The following DCHS2 variants were observed in gnomAD, a reference collection of about 807,000 sequenced individuals.
DCHS2 encodes the protein dachsous cadherin-related 2.
A neutral mutation model predicts 182.4 loss-of-function variants in DCHS2; 142 were observed. The ratio of observed to expected loss-of-function variants is 0.78; its 90% CI spans 0.68 to 0.89. The LOEUF (loss-of-function observed/expected upper bound fraction) is 0.89, where lower values mean the gene tolerates loss of function less well. Ranked by LOEUF, DCHS2 falls within the 40% of genes least tolerant of loss-of-function variation. DCHS2 has a pLI of 0.00. For missense variants in DCHS2, 4,319 were observed against 4,198.6 expected (o/e 1.03, Z -0.79); for synonymous variants, 1,740 against 1,663.3 (o/e 1.05, Z -1.12).
At chr4:154,431,939 T>G (rs1579077008) in intron 1 of DCHS2, among the ~76,000 whole-genome samples, 1 of 152,242 alleles carries the variant, frequency 6.6e-6, no homozygotes, top group African/African-American at 2.4e-5. Context: ...GGTGTTCATT[T>G]GAAGCCTGGA....
intron 19 of DCHS2, among the ~76,000 whole-genome samples, chr4:154,237,966 T>C (rs1731614431): frequency 1.3e-5 from 2 of 152,202 alleles, no homozygotes; most frequent in Non-Finnish European, 2.9e-5. Context: ...GTTTTAAACA[T>C]TTAATGTTTT....
chr4:154,343,473 C>T (rs1729205936), intron 3 of DCHS2: 19 of 1,439,436 alleles, frequency 1.3e-5, no homozygotes, highest in Non-Finnish European at 1.7e-5. Context: ...ACCACCTTCA[C>T]CAAGAATCTT....
Position 154,341,075 on chromosome 4 carries a change from A to G in DCHS2, c.2477-5971T>C, listed in dbSNP as rs150719040. ...GGGAAGTGCCTTGTTAATAATTTGA[A>G]AAAACGTTTTCGCCCGGGCGCGGTG... On this transcript the variant is annotated intron_variant, in intron 3 of 19. Transcript: ENST00000357232. Among the ~76,000 whole-genome samples the G allele has an allele frequency of 1.6e-4, 25 of 152,254 alleles. No individual in the cohort carries two copies. The East Asian group carries it at 4.8e-3, about 29-fold the overall frequency.
intron 1 of DCHS2, among the ~76,000 whole-genome samples, chr4:154,442,785 A>G (rs1256891330): frequency 2.0e-5 from 3 of 151,778 alleles, no homozygotes; most frequent in Non-Finnish European, 2.9e-5. Flanking sequence ...AGGATTCCCC[A>G]CTTATTGTTA....
At chr4:154,300,127 A>G (rs1371237538) in intron 12 of DCHS2, among the ~76,000 whole-genome samples, 1 of 152,106 alleles carries the variant, frequency 6.6e-6, no homozygotes, top group Non-Finnish European at 1.5e-5. Flanking sequence ...ACAGGCTGCA[A>G]ATGTTTGGGT....
chr4:154,367,767 A>G (rs1730453128), intron 2 of DCHS2, among the ~76,000 whole-genome samples: 1 of 152,024 alleles, frequency 6.6e-6, no homozygotes. Context: ...CAGAGCAAGG[A>G]GGAAAAATGA....
At chr4:154,308,178 T>C (rs964434190) in intron 10 of DCHS2, among the ~76,000 whole-genome samples, 2 of 151,862 alleles carry the variant, frequency 1.3e-5, no homozygotes, top group African/African-American at 4.8e-5. Context: ...GACCTTCTGA[T>C]TATAAAGTCT....
intron 1 of DCHS2, among the ~76,000 whole-genome samples, chr4:154,433,467 T>A (rs1733648588): frequency 6.9e-6 from 1 of 144,304 alleles, no homozygotes; most frequent in Admixed American, 7.1e-5. Flanking sequence ...TGATCTCCGC[T>A]CACTGCAACC....
chr4:154,371,119 C>A (rs1283028652), intron 2 of DCHS2, among the ~76,000 whole-genome samples: 1 of 151,564 alleles, frequency 6.6e-6, no homozygotes, highest in African/African-American at 2.4e-5. Flanking sequence ...TAAAGTCTCC[C>A]AGAATGATGA....
intron 2 of DCHS2, among the ~76,000 whole-genome samples, chr4:154,370,330 G>A (rs1372588926): frequency 1.3e-5 from 2 of 151,876 alleles, no homozygotes; most frequent in Non-Finnish European, 2.9e-5. Context: ...AGGTAGAGAG[G>A]GAAAAATAGA....
chr4:154,411,950 T>C (rs1457267076), intron 1 of DCHS2, among the ~76,000 whole-genome samples: 2 of 152,214 alleles, frequency 1.3e-5, no homozygotes, highest in African/African-American at 2.4e-5. Flanking sequence ...TTACATGCAA[T>C]TGACCCAATT....
chr4:154,305,502 A>T (rs868000605), intron 10 of DCHS2, among the ~76,000 whole-genome samples: 12 of 152,182 alleles, frequency 7.9e-5, no homozygotes, highest in Admixed American at 5.2e-4. Flanking sequence ...AAAATTTCTT[A>T]TGAGTGTGCA....
At chr4:154,352,113 T>A (rs1402978123) in intron 3 of DCHS2, among the ~76,000 whole-genome samples, 1 of 152,026 alleles carries the variant, frequency 6.6e-6, no homozygotes, top group Non-Finnish European at 1.5e-5. Flanking sequence ...ATACAAATTA[T>A]GAAGGACTCC....
rs1735059526 is a variant in DCHS2 at position 154,298,514 on chromosome 4, G to A, written c.5800C>T (p.Pro1934Ser). The A allele has an allele frequency of 1.2e-6, 2 of 1,614,110 alleles. No individual in the cohort carries two copies. Among genetic ancestry groups the A allele is most frequent in the Non-Finnish European group, 1.7e-6 (2 of 1,179,982 alleles). The change falls in exon 13 of 20, where the codon CCC becomes TCC. Residue 1934 changes from proline to serine, a missense_variant. By Grantham distance (74) the Pro-to-Ser change is moderately conservative. Transcript: ENST00000357232. The part of the protein sequence containing the change: ...LDANDHSPSF[P>S]TLYYQSSVRE... Reference sequence around the variant, plus strand: ...ACAGAGGACTGGTAATAAAGTGTGGGAAAAGAAGGACTGTGGTCATTGGCA... The same window carrying A: ...ACAGAGGACTGGTAATAAAGTGTGGAAAAAGAAGGACTGTGGTCATTGGCA...
chr4:154,252,396 C>A (rs181386918), intron 16 of DCHS2, among the ~76,000 whole-genome samples: 49 of 151,990 alleles, frequency 3.2e-4, no homozygotes, highest in African/African-American at 1.1e-3. Flanking sequence ...ACTATAGTTA[C>A]CCTTTTGTAC....
intron 13 of DCHS2, among the ~76,000 whole-genome samples, chr4:154,294,657 A>AT (rs1734843056): frequency 6.6e-6 from 1 of 152,242 alleles, no homozygotes; most frequent in Non-Finnish European, 1.5e-5. Flanking sequence ...TAAACAAAGT[A>AT]CAACAGTTCA....
rs950780241 is a variant in DCHS2, at chr4:154,490,426, C to T, written c.930G>A (p.Gln310=). Residue 310 remains glutamine, a synonymous_variant, in exon 1 of 20, where the codon CAG becomes CAA. Transcript: ENST00000357232. ...GCACGCGACAGACCTCGGCGCCCGG[C>T]TGGGCGTCCTCGCGCACCGCGGCGC... ...EYRAAVREDA[Q]PGAEVCRVRA... is the part of the protein sequence containing the mutation. The T allele has an allele frequency of 6.5e-7, 1 of 1,533,872 alleles. No individual in the cohort carries two copies. The highest frequency in any genetic ancestry group is 2.5e-5 in the East Asian group (1 of 40,618).
At chr4:154,360,087 T>G (rs964328925) in intron 3 of DCHS2, among the ~76,000 whole-genome samples, 4 of 152,076 alleles carry the variant, frequency 2.6e-5, no homozygotes, top group Non-Finnish European at 5.9e-5. Flanking sequence ...ACTAAGAATT[T>G]TAGAGTCTTC....
At position 154,491,146 on chromosome 4, in the gene DCHS2, G is replaced by T; in HGVS notation, c.210C>A (p.Thr70=). The T allele has an allele frequency of 6.4e-7, 1 of 1,551,392 alleles. No homozygotes were observed. The highest frequency in any genetic ancestry group is 8.7e-7 in the Non-Finnish European group (1 of 1,146,836). The change falls in exon 1 of 20, where the codon ACC becomes ACA. Residue 70 remains threonine, a synonymous_variant. Coordinates refer to ENST00000357232, the MANE Select transcript of DCHS2 (RefSeq NM_001358235.2). ...GGGGAAGCCCCTCATCTACGGAAAG[G>T]GTGAGGTTGAACAACTGGGCAGAGG... ...SGSSAQLFNL[T]LSVDEGLPPD...
Sources: allele counts gnomAD v4.1 joint callset (sites outside exome capture counted in the v4.1 genomes callset), GRCh38; gene constraint gnomAD v4.1.1; transcripts MANE v1.5; gene names NCBI Gene and HGNC (gene_info 2026-07-23, HGNC 2026-07-21).